Variants in TRIOBP observed in about 807,000 individuals in gnomAD.
The protein encoded by TRIOBP is TRIO and F-actin-binding protein.
In TRIOBP, 169 loss-of-function variants were observed where a neutral mutation model predicts 238.8. The ratio of observed to expected loss-of-function variants is 0.71; its 90% confidence interval spans 0.62 to 0.80. The LOEUF is 0.80. TRIOBP is among the 30% of genes least tolerant of loss of function. The pLI, the probability that TRIOBP is intolerant of heterozygous loss-of-function variation, is 0.00. For missense variants in TRIOBP, 2,838 were observed against 3,122.6 expected, an observed-to-expected ratio of 0.91 and a Z score of 2.17; for synonymous variants, 1,150 against 1,274.4, an observed-to-expected ratio of 0.90 and a Z score of 2.08.
chr22:37,743,801 ATGTGTGTGTGTGTGTGTGTG>A (rs71195050), intron 11 of TRIOBP, among the ~76,000 whole-genome samples: 130 of 114,180 alleles, frequency 1.1e-3, no homozygotes, highest in Middle Eastern at 4.4e-3. Flanking sequence ...GAGAGAGAGA[ATGTGTGTGTGTGTGTGTGTG>A]TGTGTGTGTG....
intron 5 of TRIOBP, 96 bp downstream of exon 5, chr22:37,713,507 C>T: frequency 6.8e-7 from 1 of 1,464,396 alleles, no homozygotes; most frequent in Non-Finnish European, 9.5e-7. Context: ...GGCTGAGCCT[C>T]ACACCAGGGA....
At chr22:37,759,624 C>T (rs1261409875) in intron 17 of TRIOBP, 16 of 1,541,264 alleles carry the variant, frequency 1.0e-5, no homozygotes, top group East Asian at 2.4e-5. Flanking sequence ...CTAGTGGCCC[C>T]GAGAGTCACT....
Position 37,769,406 on chromosome 22 carries a change from A to C in TRIOBP, c.6849+31A>C, listed in dbSNP as rs750093746. ...TGTCCTCACTAGCACCAGGCAGCCCAGTGGTTCTCGGGGCCCGGGGCTATG... is the reference window on the plus strand; with the variant it reads ...TGTCCTCACTAGCACCAGGCAGCCCCGTGGTTCTCGGGGCCCGGGGCTATG... On this transcript the variant is annotated intron_variant, in intron 21 of 23. Coordinates refer to ENST00000644935, the MANE Select transcript of TRIOBP (RefSeq NM_001039141.3). 15 of 1,554,082 alleles carry C rather than the reference A, an allele frequency of 9.7e-6. No individual in the cohort carries two copies. The South Asian group carries it at 1.8e-4, about 18-fold the overall frequency.
At position 37,770,076 on chromosome 22, in the gene TRIOBP, CTGT is replaced by C. The variant is rs529486222; in HGVS notation, c.6849+707_6849+709del. ...TTTTTTTTTTTGAGACAGAGTTTTG[CTGT>C]TGTTGCCCAGGCTACAGTGCAGTGG... On this transcript the variant is annotated intron_variant, in intron 21 of 23. Transcript: ENST00000644935. Among the ~76,000 whole-genome samples the C allele has an allele frequency of 4.1e-5, 6 of 144,920 alleles. No individual in the cohort carries two copies. The South Asian group carries it at 1.4e-3, about 34-fold the overall frequency.
At chr22:37,709,210 C>T (rs948497338) in intron 3 of TRIOBP, among the ~76,000 whole-genome samples, 7 of 152,202 alleles carry the variant, frequency 4.6e-5, no homozygotes, top group Admixed American at 1.3e-4. Context: ...TTCTTGGAAC[C>T]TGGAGAGCCT....
intron 10 of TRIOBP, among the ~76,000 whole-genome samples, chr22:37,739,015 A>C (rs1924812890): frequency 6.6e-6 from 1 of 152,018 alleles, no homozygotes; most frequent in Non-Finnish European, 1.5e-5. Flanking sequence ...GTTTGGCCCC[A>C]GTGGTCTCTG....
chr22:37,729,155 C>G (rs886788331), intron 7 of TRIOBP, among the ~76,000 whole-genome samples: 4 of 151,980 alleles, frequency 2.6e-5, no homozygotes, highest in Non-Finnish European at 4.4e-5. Context: ...TGAGCTCAGG[C>G]AATCTACCCA....
At chr22:37,710,637 C>T (rs1923189507) in intron 4 of TRIOBP, 71 bp downstream of exon 4, 1 of 1,542,140 alleles carries the variant, frequency 6.5e-7, no homozygotes, top group Non-Finnish European at 8.7e-7. Context: ...ATTTGCACTC[C>T]TTCCCCAAGG....
chr22:37,762,177 C>T (rs959213953), intron 17 of TRIOBP, among the ~76,000 whole-genome samples: 3 of 152,158 alleles, frequency 2.0e-5, no homozygotes, highest in Non-Finnish European at 4.4e-5. Context: ...AAGCAGTCTT[C>T]CCACCTCAGC....
In TRIOBP at chr22:37,733,373, A is replaced by G. The variant is rs1601638335; in HGVS notation, c.4023A>G (p.Gln1341=). ...RSQQPSQGQS[Q]LLRRQSSPAP... Reference sequence around the variant, plus strand: ...AGCAGCCCAGCCAAGGCCAGAGCCAACTTCTCCGAAGACAGTCCAGCCCTG... The same window carrying G: ...AGCAGCCCAGCCAAGGCCAGAGCCAGCTTCTCCGAAGACAGTCCAGCCCTG... The change falls in exon 8 of 24, where the codon CAA becomes CAG. Residue 1341 remains glutamine (Q), a synonymous_variant. Coordinates refer to ENST00000644935, the MANE Select transcript of TRIOBP (RefSeq NM_001039141.3). 5 of 1,551,194 alleles carry G rather than the reference A, an allele frequency of 3.2e-6. No homozygotes were observed. Among genetic ancestry groups the G allele is most frequent in the African/African-American group, 1.4e-5 (1 of 73,072 alleles).
intron 3 of TRIOBP, among the ~76,000 whole-genome samples, chr22:37,710,085 C>T (rs1313112896): frequency 2.0e-5 from 3 of 152,374 alleles, no homozygotes; most frequent in South Asian, 2.1e-4. Context: ...TGCAAACGTA[C>T]AGATCGGTGT....
At chr22:37,699,866 T>G (rs1055793787) in intron 2 of TRIOBP, among the ~76,000 whole-genome samples, 8 of 150,190 alleles carry the variant, frequency 5.3e-5, no homozygotes, top group African/African-American at 1.5e-4. Flanking sequence ...ATTTTCATTT[T>G]CATTTATTTA....
chr22:37,708,202 C>T (rs1008040788), intron 3 of TRIOBP, among the ~76,000 whole-genome samples: 4 of 143,502 alleles, frequency 2.8e-5, no homozygotes, highest in African/African-American at 7.8e-5. Flanking sequence ...GCCAAGATCA[C>T]GCCACTGCAC....
Position 37,741,064 on chromosome 22 carries a change from G to A in TRIOBP, c.5322+32G>A, listed in dbSNP as rs1176441674. On this transcript the variant is annotated intron_variant, in intron 11 of 23. Coordinates refer to ENST00000644935, the MANE Select transcript of TRIOBP (RefSeq NM_001039141.3). ...TGGCTCCAGTGGGGACTGGAGGGGT[G>A]AGGGTGGATAGAGACGGGGATGGGA... is the stretch of plus-strand genomic sequence containing the variant. The A allele has an allele frequency of 5.8e-6, 9 of 1,555,616 alleles. No homozygotes were observed. In the African/African-American group the frequency reaches 1.2e-4, roughly 21 times the overall value.
intron 17 of TRIOBP, among the ~76,000 whole-genome samples, chr22:37,765,312 A>T (rs1332189849): frequency 2.0e-5 from 3 of 152,092 alleles, no homozygotes; most frequent in African/African-American, 4.8e-5. Context: ...AAACCACAAA[A>T]TTCCAGGCAG....
At chr22:37,746,511 C>T (rs1294972513) in intron 11 of TRIOBP, 3 of 1,149,190 alleles carry the variant, frequency 2.6e-6, no homozygotes, top group Middle Eastern at 3.6e-4. Context: ...GGGGCAGCCC[C>T]CTCCTCATTT....
chr22:37,735,759 G>A (rs1281491769), intron 9 of TRIOBP, among the ~76,000 whole-genome samples: 2 of 152,242 alleles, frequency 1.3e-5, no homozygotes, highest in African/African-American at 2.4e-5. Context: ...GCAGGGTGAA[G>A]CCACTTGCTG....
intron 6 of TRIOBP, among the ~76,000 whole-genome samples, chr22:37,716,458 C>G (rs1302710533): frequency 2.0e-5 from 3 of 152,100 alleles, no homozygotes; most frequent in African/African-American, 7.2e-5. Flanking sequence ...AGATAAGAGT[C>G]TCACACTGTT....
intron 8 of TRIOBP, 69 bp from the exon 9 acceptor site, chr22:37,734,330 A>G: frequency 7.0e-7 from 1 of 1,434,558 alleles, no homozygotes; most frequent in Non-Finnish European, 9.7e-7. Context: ...CTGGGGGCCT[A>G]AGAAAGGCAG....
Sources: gnomAD v4.1 joint callset for allele counts (sites outside exome capture counted in the v4.1 genomes callset) on GRCh38, gnomAD v4.1.1 for gene constraint, MANE v1.5 for transcripts, NCBI Gene and HGNC (gene_info 2026-07-23, HGNC 2026-07-21) for gene names.